GSE1: variants seen among roughly 807,000 people sequenced by gnomAD.
GSE1 encodes Gse1 coiled-coil protein, also known as genetic suppressor element 1.
GSE1 carries 32 observed loss-of-function variants against 112.6 expected under a neutral mutation model. The observed-to-expected ratio is 0.28, with a 90% CI of 0.21 to 0.38. GSE1 has a LOEUF of 0.38. GSE1 is among the 10% of genes least tolerant of loss of function. GSE1 has a pLI of 1.00. For synonymous variants in GSE1, 1,115 were observed against 735.6 expected (o/e 1.52, Z -8.35); for missense variants, 2,348 against 1,699.2 (o/e 1.38, Z -6.71).
intron 2 of GSE1, among the ~76,000 whole-genome samples, chr16:85,364,758 A>G (rs1464060577): frequency 6.6e-6 from 1 of 152,028 alleles, no homozygotes; most frequent in Non-Finnish European, 1.5e-5. Flanking sequence ...GGACCAGCTC[A>G]CACCCCACCC....
intron 1 of GSE1, among the ~76,000 whole-genome samples, chr16:85,327,593 ACT>A (rs1329964169): frequency 6.6e-6 from 1 of 152,146 alleles, no homozygotes; most frequent in Non-Finnish European, 1.5e-5. Flanking sequence ...ACAGAGCGAG[ACT>A]CTGTCTCAGA....
intron 1 of GSE1, among the ~76,000 whole-genome samples, chr16:85,351,438 A>G (rs745519852): frequency 5.3e-5 from 8 of 152,214 alleles, no homozygotes; most frequent in Non-Finnish European, 1.0e-4. Flanking sequence ...ATGTCCAGAA[A>G]TGACATTTGT....
intron 1 of GSE1, among the ~76,000 whole-genome samples, chr16:85,291,191 G>C (rs1260507704): frequency 4.6e-5 from 7 of 152,196 alleles, no homozygotes; most frequent in Admixed American, 4.6e-4. Flanking sequence ...GGGTCTCTCA[G>C]CAGAGCTGGA....
intron 2 of GSE1, among the ~76,000 whole-genome samples, chr16:85,485,547 G>A (rs1037900975): frequency 2.6e-5 from 4 of 152,228 alleles, no homozygotes; most frequent in African/African-American, 7.2e-5. Context: ...CCTTCATCCC[G>A]CAGGCCCGGC....
chr16:85,431,875 A>G lies in GSE1; in HGVS notation c.2464+74232A>G, dbSNP rs530956664. ...CTGTTTCAGTAAGTGATTAATTGCA[A>G]TTAGCTAGCGGTTTGAAAGCCCTGG... On this transcript the variant is annotated intron_variant, in intron 2 of 2. Coordinates refer to the GSE1 transcript ENST00000637419. Among the ~76,000 whole-genome samples the G allele has an allele frequency of 4.6e-5, 7 of 152,336 alleles. No homozygotes were observed. In the South Asian group the frequency reaches 1.0e-3, roughly 23 times the overall value.
upstream of GSE1, among the ~76,000 whole-genome samples, chr16:85,606,698 A>G (rs934016146): frequency 6.6e-6 from 1 of 152,222 alleles, no homozygotes; most frequent in Non-Finnish European, 1.5e-5. Flanking sequence ...TGGCAGCCCA[A>G]GTGGACGCAA....
At chr16:85,538,428 T>C (rs1265191115) in intron 2 of GSE1, among the ~76,000 whole-genome samples, 1 of 151,900 alleles carries the variant, frequency 6.6e-6, no homozygotes, top group East Asian at 1.9e-4. Context: ...AGTGTGGGGG[T>C]ACTGGGGAGC....
chr16:85,291,775 A>C (rs2045220472), intron 1 of GSE1, among the ~76,000 whole-genome samples: 1 of 152,164 alleles, frequency 6.6e-6, no homozygotes, highest in Admixed American at 6.5e-5. Context: ...GCCACCTCCC[A>C]GGCCTCTCCG....
At chr16:85,509,707 G>A (rs896534034) in intron 2 of GSE1, among the ~76,000 whole-genome samples, 1 of 152,352 alleles carries the variant, frequency 6.6e-6, no homozygotes, top group Non-Finnish European at 1.5e-5. Flanking sequence ...GGAGACGTGT[G>A]TGCTGTTCAC....
chr16:85,417,690 G>A (rs981771311), intron 2 of GSE1, among the ~76,000 whole-genome samples: 1 of 152,220 alleles, frequency 6.6e-6, no homozygotes, highest in African/African-American at 2.4e-5. Flanking sequence ...GGGGGCGCTG[G>A]GCCCAGGCTA....
chr16:85,219,502 G>A (rs1312610200), intron 1 of GSE1, among the ~76,000 whole-genome samples: 1 of 152,136 alleles, frequency 6.6e-6, no homozygotes, highest in Non-Finnish European at 1.5e-5. Flanking sequence ...TCGGCCCTCA[G>A]GCCAGCTGTC....
chr16:85,639,424 G>T (rs2050260683), intron 2 of GSE1, among the ~76,000 whole-genome samples: 1 of 152,304 alleles, frequency 6.6e-6, no homozygotes, highest in African/African-American at 2.4e-5. Flanking sequence ...CCAAGACTGG[G>T]GGGATGGGTC....
intron 2 of GSE1, among the ~76,000 whole-genome samples, chr16:85,429,082 A>G (rs762901511): frequency 6.6e-6 from 1 of 152,234 alleles, no homozygotes; most frequent in Non-Finnish European, 1.5e-5. Context: ...CGCACGCTGC[A>G]TCACTCACGG....
At chr16:85,378,282 G>A (rs892967045) in intron 2 of GSE1, among the ~76,000 whole-genome samples, 1 of 152,134 alleles carries the variant, frequency 6.6e-6, no homozygotes, top group East Asian at 1.9e-4. Flanking sequence ...CCTCAGCTGG[G>A]TCGGTGTCCT....
chr16:85,219,256 T>C (rs536235440), intron 1 of GSE1, among the ~76,000 whole-genome samples: 1 of 152,042 alleles, frequency 6.6e-6, no homozygotes, highest in African/African-American at 2.4e-5. Flanking sequence ...TCAGGTGATC[T>C]GCCTGCCTTG....
chr16:85,268,162 G>A (rs549422222), intron 1 of GSE1, among the ~76,000 whole-genome samples: 92 of 152,212 alleles, frequency 6.0e-4, no homozygotes, highest in Non-Finnish European at 1.3e-3. Context: ...TGCCTTGGGG[G>A]GATTGCTTGG....
intron 8 of GSE1, among the ~76,000 whole-genome samples, chr16:85,658,691 C>G (rs577594467): frequency 6.6e-6 from 1 of 152,228 alleles, no homozygotes; most frequent in Non-Finnish European, 1.5e-5. Flanking sequence ...TCCCAGCCCC[C>G]GTCCCTGAGG....
At chr16:85,638,230 C>T (rs552257482) in intron 2 of GSE1, among the ~76,000 whole-genome samples, 1 of 152,366 alleles carries the variant, frequency 6.6e-6, no homozygotes, top group Non-Finnish European at 1.5e-5. Context: ...GAAGCTGTGG[C>T]ATGCGCTGCC....
chr16:85,215,416 G>C (rs867862007), intron 1 of GSE1, among the ~76,000 whole-genome samples: 12 of 152,028 alleles, frequency 7.9e-5, no homozygotes, highest in East Asian at 7.7e-4. Flanking sequence ...GAAGGGTTGT[G>C]GGGGGGCCAG....
Sources: allele counts gnomAD v4.1 joint callset (sites outside exome capture counted in the v4.1 genomes callset), GRCh38; gene constraint gnomAD v4.1.1; transcripts MANE v1.5; gene names NCBI Gene and HGNC (gene_info 2026-07-23, HGNC 2026-07-21).